Variants in FA2H observed in about 807,000 individuals in gnomAD.
FA2H encodes the protein fatty acid alpha-hydroxylase.
A neutral mutation model predicts 44.9 loss-of-function variants in FA2H; 22 were observed. The ratio of observed to expected loss-of-function variants is 0.49; its 90% CI spans 0.35 to 0.70. The LOEUF (loss-of-function observed/expected upper bound fraction) is 0.70, where lower values mean the gene tolerates loss of function less well. Ranked by LOEUF, FA2H falls within the 30% of genes least tolerant of loss-of-function variation. The pLI, the probability that FA2H is intolerant of heterozygous loss-of-function variation, is 0.01. For missense variants in FA2H, 501 were observed against 504.9 expected, an observed-to-expected ratio of 0.99 and a Z score of 0.07; for synonymous variants, 243 against 213.2, an observed-to-expected ratio of 1.14 and a Z score of -1.22.
intron 2 of FA2H, among the ~76,000 whole-genome samples, chr16:74,730,729 A>T (rs1567638876): frequency 6.6e-6 from 1 of 152,212 alleles, no homozygotes; most frequent in Non-Finnish European, 1.5e-5. Flanking sequence ...CTACAGTAGC[A>T]CTCAGAGCTA....
At position 74,746,684 on chromosome 16, in the gene FA2H, GCCT is replaced by G. The variant is rs534955418; in HGVS notation, c.271-6572_271-6570del. Among the ~76,000 whole-genome samples the G allele has an allele frequency of 1.9e-3, 296 of 152,312 alleles. 1 individual carries two copies. Among genetic ancestry groups the G allele is most frequent in the African/African-American group, 6.7e-3 (279 of 41,576 alleles). ...TTTGAAACTCCCAGGCAAGCTGCAG[GCCT>G]CCTGCTCCCTGGGATGCCCTGTCCA... On this transcript the variant is annotated intron_variant, in intron 1 of 6. Transcript: ENST00000219368.
chr16:74,759,535 A>G (rs990248736), intron 1 of FA2H, among the ~76,000 whole-genome samples: 1 of 152,232 alleles, frequency 6.6e-6, no homozygotes, highest in Non-Finnish European at 1.5e-5. Flanking sequence ...TTTGTTGAGC[A>G]CACCTGTGTC....
chr16:74,771,560 C>G (rs1038131887), intron 1 of FA2H, among the ~76,000 whole-genome samples: 1 of 151,730 alleles, frequency 6.6e-6, no homozygotes, highest in Admixed American at 6.6e-5. Context: ...GGTCTCAAAC[C>G]CCTGACCTCA....
intron 1 of FA2H, among the ~76,000 whole-genome samples, chr16:74,751,894 A>C (rs1001896942): frequency 6.6e-5 from 10 of 152,176 alleles, no homozygotes; most frequent in African/African-American, 1.9e-4. Context: ...ATCAGTATTC[A>C]AAATCTCTAC....
At chr16:74,741,802 ATATATATG>A (rs1263379930) in intron 1 of FA2H, among the ~76,000 whole-genome samples, 6 of 71,242 alleles carry the variant, frequency 8.4e-5, no homozygotes, top group Middle Eastern at 5.0e-3. Flanking sequence ...ATATATATAT[ATATATATG>A]TGTGTGTGTG....
At chr16:74,720,569 G>A (rs1196677045) in intron 4 of FA2H, among the ~76,000 whole-genome samples, 2 of 151,684 alleles carry the variant, frequency 1.3e-5, no homozygotes, top group African/African-American at 2.4e-5. Flanking sequence ...TCTTCTTAAC[G>A]GCTTTATCTA....
At chr16:74,750,761 C>CTGTGTG (rs55799456) in intron 1 of FA2H, among the ~76,000 whole-genome samples, 239 of 141,654 alleles carry the variant, frequency 1.7e-3, no homozygotes, top group African/African-American at 4.6e-3. Context: ...TTTTTTTTCA[C>CTGTGTG]TGTGTGTGTG....
At chr16:74,745,603 G>A (rs1372795843) in intron 1 of FA2H, among the ~76,000 whole-genome samples, 1 of 152,210 alleles carries the variant, frequency 6.6e-6, no homozygotes, top group East Asian at 1.9e-4. Context: ...CCGGGCAATG[G>A]AGGGTAGGGA....
intron 1 of FA2H, among the ~76,000 whole-genome samples, chr16:74,751,602 G>GT (rs1370100273): frequency 6.6e-6 from 1 of 151,992 alleles, no homozygotes; most frequent in Non-Finnish European, 1.5e-5. Flanking sequence ...ATGGCCACAG[G>GT]TAAGGGACAG....
intron 1 of FA2H, among the ~76,000 whole-genome samples, chr16:74,767,244 G>A (rs1398523557): frequency 1.3e-5 from 2 of 152,136 alleles, no homozygotes; most frequent in Non-Finnish European, 2.9e-5. Flanking sequence ...GGGAGGCGGA[G>A]GTTGCAGTGA....
chr16:74,773,524 G>C (rs1033706414), intron 1 of FA2H, among the ~76,000 whole-genome samples: 1 of 152,188 alleles, frequency 6.6e-6, no homozygotes, highest in African/African-American at 2.4e-5. Flanking sequence ...AACATCAAGA[G>C]AGTCGCTTTG....
intron 6 of FA2H, among the ~76,000 whole-genome samples, chr16:74,715,854 T>C (rs7197306): frequency 0.22 from 32,174 of 149,454 alleles, 4,662 homozygotes; most frequent in African/African-American, 0.41. Context: ...CTTGCTCTGT[T>C]GCCCAGGCTG....
At chr16:74,719,840 G>A (rs1961790448) in intron 4 of FA2H, among the ~76,000 whole-genome samples, 3 of 152,072 alleles carry the variant, frequency 2.0e-5, no homozygotes, top group Admixed American at 1.3e-4. Context: ...ACAGAAGGGA[G>A]CCACTGTGCC....
At chr16:74,759,770 C>T (rs975370676) in intron 1 of FA2H, among the ~76,000 whole-genome samples, 1 of 152,222 alleles carries the variant, frequency 6.6e-6, no homozygotes, top group South Asian at 2.1e-4. Flanking sequence ...GCAGTGCAGC[C>T]AGGGCCTCGC....
intron 1 of FA2H, among the ~76,000 whole-genome samples, chr16:74,773,142 C>T (rs1007239639): frequency 6.6e-6 from 1 of 152,172 alleles, no homozygotes; most frequent in Non-Finnish European, 1.5e-5. Flanking sequence ...TCCCAAAGTG[C>T]TAGGATTACA....
intron 1 of FA2H, among the ~76,000 whole-genome samples, chr16:74,767,667 C>T (rs1962834241): frequency 6.6e-6 from 1 of 152,136 alleles, no homozygotes; most frequent in Non-Finnish European, 1.5e-5. Context: ...AGGCAGCCTC[C>T]AGTAGCTGGA....
chr16:74,772,148 C>T (rs532700616), intron 1 of FA2H, among the ~76,000 whole-genome samples: 12 of 152,278 alleles, frequency 7.9e-5, no homozygotes, highest in Admixed American at 2.0e-4. Context: ...GGCCTCCCCC[C>T]ACATCCCTGT....
intron 1 of FA2H, among the ~76,000 whole-genome samples, chr16:74,745,077 G>A (rs558386642): frequency 1.6e-4 from 25 of 152,282 alleles, no homozygotes; most frequent in Middle Eastern, 3.4e-3. Flanking sequence ...GACTGTCCCA[G>A]GGCAACAGTC....
intron 4 of FA2H, chr16:74,725,945 G>A (rs1961944115): frequency 4.6e-6 from 2 of 431,110 alleles, no homozygotes; most frequent in Non-Finnish European, 4.4e-6. Flanking sequence ...CTCAATGAGA[G>A]GCACTCAATC....
Sources: allele counts gnomAD v4.1 joint callset (sites outside exome capture counted in the v4.1 genomes callset), GRCh38; gene constraint gnomAD v4.1.1; transcripts MANE v1.5; gene names NCBI Gene and HGNC (gene_info 2026-07-23, HGNC 2026-07-21).